Variants in ITGA2 observed in about 807,000 individuals in gnomAD.
The protein encoded by ITGA2 is integrin alpha-2.
In ITGA2, 101 loss-of-function variants were observed where a neutral mutation model predicts 146.3. That is an observed-to-expected ratio of 0.69 (90% confidence interval 0.59 to 0.81). The LOEUF is 0.81. Among genes scored for constraint, ITGA2 ranks in the 40% least tolerant of loss-of-function variants. ITGA2 has a pLI of 0.00. For synonymous variants in ITGA2, 477 were observed against 487.1 expected (o/e 0.98, Z 0.27); for missense variants, 1,281 against 1,402.7 (o/e 0.91, Z 1.39).
At chr5:53,031,767 TGTAA>T (rs1240740059) in intron 2 of ITGA2, among the ~76,000 whole-genome samples, 1 of 152,228 alleles carries the variant, frequency 6.6e-6, no homozygotes, top group East Asian at 1.9e-4. Flanking sequence ...GCCCTCTGGC[TGTAA>T]GTAAGGCTGT....
rs1408212667 is a variant in ITGA2, at chr5:53,074,456, T to G, written c.2643T>G (p.Pro881=). Residue 881 remains proline (P), a synonymous_variant, in exon 21 of 30, where the codon CCT becomes CCG. Coordinates refer to ENST00000296585, the MANE Select transcript of ITGA2 (RefSeq NM_002203.4). The part of the protein sequence containing the change: ...QKSVACDVGY[P]ALKREQQVTF... ...CTGTTGCCTGCGATGTAGGCTACCC[T>G]GCTTTAAAGAGAGAACAACAGGTAC... 6.2e-7 allele frequency: 1 copy of G among 1,612,248 alleles called. No individual in the cohort carries two copies. The highest frequency in any genetic ancestry group is 1.7e-5 in the Admixed American group (1 of 59,856).
At chr5:53,036,637 A>G (rs1743505357) in intron 2 of ITGA2, among the ~76,000 whole-genome samples, 1 of 152,100 alleles carries the variant, frequency 6.6e-6, no homozygotes, top group African/African-American at 2.4e-5. Flanking sequence ...CCACACTCCT[A>G]ACTCCAGCCT....
chr5:53,010,528 G>A (rs1410446468), intron 1 of ITGA2, among the ~76,000 whole-genome samples: 1 of 152,134 alleles, frequency 6.6e-6, no homozygotes, highest in African/African-American at 2.4e-5. Context: ...CACAGGCTTA[G>A]AGATGGAGAG....
At chr5:53,067,047 C>G (rs2111980890) in intron 15 of ITGA2, 71 bp from the exon 16 acceptor site, 2 of 1,508,090 alleles carry the variant, frequency 1.3e-6, no homozygotes, top group Non-Finnish European at 9.1e-7. Context: ...ACTGGGTCCT[C>G]TATGATAAAG....
chr5:53,010,596 T>C (rs772789834), intron 1 of ITGA2, among the ~76,000 whole-genome samples: 1 of 152,110 alleles, frequency 6.6e-6, no homozygotes, highest in Non-Finnish European at 1.5e-5. Context: ...ATTTAGATGA[T>C]GAGATTTGGG....
chr5:53,015,837 A>C (rs548181662), intron 1 of ITGA2, among the ~76,000 whole-genome samples: 51 of 152,200 alleles, frequency 3.4e-4, no homozygotes, highest in African/African-American at 1.2e-3. Flanking sequence ...TACATGATAT[A>C]ATGCCCTTCT....
chr5:53,027,897 A>G (rs1457893915), intron 2 of ITGA2, among the ~76,000 whole-genome samples: 1 of 152,160 alleles, frequency 6.6e-6, no homozygotes, highest in Non-Finnish European at 1.5e-5. Flanking sequence ...CCTGGGCAAC[A>G]CAGTGAGACC....
chr5:53,023,689 A>G (rs1013773699), intron 1 of ITGA2, among the ~76,000 whole-genome samples: 2 of 152,350 alleles, frequency 1.3e-5, no homozygotes, highest in South Asian at 2.1e-4. Context: ...AGGAAACAAG[A>G]TGAACCAAAT....
At chr5:52,991,635 T>A (rs1169832864) in intron 1 of ITGA2, among the ~76,000 whole-genome samples, 1 of 151,674 alleles carries the variant, frequency 6.6e-6, no homozygotes, top group African/African-American at 2.4e-5. Flanking sequence ...ATAAAACACA[T>A]GTGTGTTTAG....
At chr5:53,054,430 A>C (rs1449030379) in intron 7 of ITGA2, among the ~76,000 whole-genome samples, 1 of 152,086 alleles carries the variant, frequency 6.6e-6, no homozygotes, top group Non-Finnish European at 1.5e-5. Context: ...CTATCTATTA[A>C]AATTTGAATT....
chr5:52,999,870 ATGT>A (rs1014169250), intron 1 of ITGA2, among the ~76,000 whole-genome samples: 1 of 152,188 alleles, frequency 6.6e-6, no homozygotes, highest in African/African-American at 2.4e-5. Context: ...ATTTTTTAAA[ATGT>A]TGTGTAAGCA....
intron 2 of ITGA2, among the ~76,000 whole-genome samples, chr5:53,036,335 T>A (rs925831581): frequency 8.5e-5 from 13 of 152,170 alleles, no homozygotes; most frequent in African/African-American, 9.7e-5. Context: ...AACCCTCCAA[T>A]GGCATTCTCA....
intron 11 of ITGA2, 55 bp from the exon 12 acceptor site, chr5:53,060,846 C>A: frequency 1.9e-6 from 3 of 1,561,882 alleles, no homozygotes; most frequent in Non-Finnish European, 2.6e-6. Flanking sequence ...CTTCTTTTAA[C>A]TTTATTTTGC....
At chr5:53,080,370 A>G in intron 24 of ITGA2, 141 bp from the exon 25 acceptor site, 1 of 730,136 alleles carries the variant, frequency 1.4e-6, no homozygotes, top group Non-Finnish European at 2.5e-6. Flanking sequence ...CTGAAGTGTG[A>G]CTATAAAGTA....
rs554905228 is a variant in ITGA2, at chr5:53,026,599, A to T, written c.65-149A>T. ...TGCCGGGCCTCCAAATAAGTACTTA[A>T]AAAGCAGTAGTTATTTTTTCTGGGT... On this transcript the variant is annotated intron_variant, in intron 1 of 29. Coordinates refer to ENST00000296585, the MANE Select transcript of ITGA2 (RefSeq NM_002203.4). 3 of 701,046 alleles carry T rather than the reference A, an allele frequency of 4.3e-6. No individual in the cohort carries two copies. The African/African-American group carries it at 5.4e-5, about 13-fold the overall frequency. The allele number at this position is 701,046 out of a possible 1,614,324, so 43.4% of individuals were successfully genotyped here. A position where few individuals can be genotyped will look rare whatever the true frequency, so the allele number is the denominator to read the frequency against.
chr5:53,023,086 C>T (rs7735277), intron 1 of ITGA2, among the ~76,000 whole-genome samples: 34,393 of 152,102 alleles, frequency 0.23, 4,048 homozygotes, highest in Middle Eastern at 0.25. Flanking sequence ...GTTGAGTTTG[C>T]GATGCTATTA....
chr5:53,024,107 T>G (rs1473126098), intron 1 of ITGA2, among the ~76,000 whole-genome samples: 1 of 151,964 alleles, frequency 6.6e-6, no homozygotes, highest in Non-Finnish European at 1.5e-5. Flanking sequence ...AGACTCAGAG[T>G]GGGTGACATT....
chr5:53,056,541 T>G (rs1014832868), intron 9 of ITGA2, among the ~76,000 whole-genome samples: 3 of 151,938 alleles, frequency 2.0e-5, no homozygotes, highest in African/African-American at 7.2e-5. Flanking sequence ...TGGGGGACAA[T>G]GTATGAATAT....
chr5:53,070,110 C>T lies in ITGA2; in HGVS notation c.2085C>T (p.Ala695=). Residue 695 remains alanine (A), a splice_region_variant and synonymous_variant, in exon 17 of 30, where the codon GCC becomes GCT. Transcript: ENST00000296585. ...TCTTTATGATTTTTTTTATCATAGC[C>T]ATTGTATATAACATCACACTTGATG... ...FRPTKQNNQV[A]IVYNITLDAD... 6.2e-7 allele frequency: 1 copy of T among 1,607,888 alleles called. No individual in the cohort carries two copies. The highest frequency in any genetic ancestry group is 1.1e-5 in the South Asian group (1 of 90,900).
Sources: allele counts gnomAD v4.1 joint callset (sites outside exome capture counted in the v4.1 genomes callset), GRCh38; gene constraint gnomAD v4.1.1; transcripts MANE v1.5; gene names NCBI Gene and HGNC (gene_info 2026-07-23, HGNC 2026-07-21).